GABRG3: variants seen among roughly 807,000 people sequenced by gnomAD.
GABRG3 encodes gamma-aminobutyric acid type A receptor subunit gamma3, also known as gamma-aminobutyric acid receptor subunit gamma-3.
In GABRG3, 25 loss-of-function variants were observed where a neutral mutation model predicts 48.8. The observed-to-expected ratio is 0.51, with a 90% CI of 0.37 to 0.72. The LOEUF (loss-of-function observed/expected upper bound fraction) is 0.72. Among genes scored for constraint, GABRG3 ranks in the 30% least tolerant of loss-of-function variants. The probability of loss-of-function intolerance (pLI) is 0.00; values close to 1 mark genes in which losing one functional copy is unlikely to be tolerated. For missense variants in GABRG3, 394 were observed against 577.9 expected (o/e 0.68, Z 3.26); for synonymous variants, 227 against 217.6 (o/e 1.04, Z -0.38).
intron 3 of GABRG3, among the ~76,000 whole-genome samples, chr15:27,133,114 G>T (rs1000771739): frequency 1.4e-4 from 21 of 151,760 alleles, no homozygotes; most frequent in Admixed American, 1.2e-3. Flanking sequence ...GATTTTTTAA[G>T]TTTTTTTCTG....
chr15:27,429,290 C>T (rs1888379770), intron 5 of GABRG3, among the ~76,000 whole-genome samples: 1 of 152,076 alleles, frequency 6.6e-6, no homozygotes, highest in African/African-American at 2.4e-5. Flanking sequence ...TACATGAAGA[C>T]AATATATTCA....
intron 5 of GABRG3, among the ~76,000 whole-genome samples, chr15:27,405,616 A>G (rs913031953): frequency 1.6e-4 from 24 of 152,202 alleles, no homozygotes; most frequent in Non-Finnish European, 5.9e-5. Flanking sequence ...GTTCATTGCA[A>G]TACATCTTGT....
chr15:27,507,268 C>G (rs904842584), intron 6 of GABRG3, among the ~76,000 whole-genome samples: 1 of 152,078 alleles, frequency 6.6e-6, no homozygotes, highest in Non-Finnish European at 1.5e-5. Flanking sequence ...ATTTTTCAGG[C>G]TGAGGCAGGT....
At chr15:27,013,308 C>T (rs1367427704) in intron 2 of GABRG3, among the ~76,000 whole-genome samples, 1 of 152,014 alleles carries the variant, frequency 6.6e-6, no homozygotes, top group Non-Finnish European at 1.5e-5. Flanking sequence ...TTTTCATTCA[C>T]CTGTTGATTG....
intron 3 of GABRG3, among the ~76,000 whole-genome samples, chr15:27,306,541 T>C (rs907422113): frequency 7.5e-6 from 1 of 133,212 alleles, no homozygotes; most frequent in Non-Finnish European, 1.5e-5. Context: ...CATAAACATA[T>C]AATATAAACA....
intron 3 of GABRG3, among the ~76,000 whole-genome samples, chr15:27,117,381 G>C (rs759534504): frequency 6.6e-6 from 1 of 152,084 alleles, no homozygotes; most frequent in Non-Finnish European, 1.5e-5. Flanking sequence ...GCAGATACTA[G>C]CAGACCACAG....
intron 5 of GABRG3, among the ~76,000 whole-genome samples, chr15:27,335,042 C>CT: frequency 6.6e-6 from 1 of 152,266 alleles, no homozygotes; most frequent in Non-Finnish European, 1.5e-5. Context: ...AATTTCATTT[C>CT]TTTTTATGAC....
chr15:27,531,290 A>C (rs1243261148), intron 9 of GABRG3, among the ~76,000 whole-genome samples: 1 of 152,240 alleles, frequency 6.6e-6, no homozygotes, highest in African/African-American at 2.4e-5. Flanking sequence ...AAAGGCTGCA[A>C]GTCCTGAATC....
At chr15:27,217,634 G>T (rs1889304920) in intron 3 of GABRG3, among the ~76,000 whole-genome samples, 2 of 152,194 alleles carry the variant, frequency 1.3e-5, no homozygotes, top group African/African-American at 4.8e-5. Context: ...CTTACTCCAT[G>T]TAGTGCTTTG....
At chr15:27,271,435 G>A (rs1891084136) in intron 3 of GABRG3, 2 of 398,430 alleles carry the variant, frequency 5.0e-6, no homozygotes, top group South Asian at 1.8e-5. Context: ...GCCAGGTGCT[G>A]CAGATGAATG....
intron 3 of GABRG3, among the ~76,000 whole-genome samples, chr15:27,305,679 T>G (rs1892392239): frequency 9.9e-6 from 1 of 101,310 alleles, no homozygotes. Flanking sequence ...ACCTATATGT[T>G]TATATATAAA....
At chr15:27,107,484 G>C (rs1328960964) in intron 3 of GABRG3, among the ~76,000 whole-genome samples, 1 of 151,860 alleles carries the variant, frequency 6.6e-6, no homozygotes, top group Admixed American at 6.6e-5. Flanking sequence ...GAAAAACGTG[G>C]ATCTCTAGTT....
At chr15:27,176,914 T>C (rs1887763905) in intron 3 of GABRG3, among the ~76,000 whole-genome samples, 1 of 152,126 alleles carries the variant, frequency 6.6e-6, no homozygotes, top group Non-Finnish European at 1.5e-5. Flanking sequence ...ACTCACTGTC[T>C]AACCACCCGA....
Position 27,457,113 on chromosome 15 carries a change from C to T in GABRG3, c.575-23537C>T, listed in dbSNP as rs562853545. 2.6e-4 allele frequency among the ~76,000 whole-genome samples: 40 copies of T among 152,282 alleles called. No individual in the cohort carries two copies. Among genetic ancestry groups the T allele is most frequent in the African/African-American group, 8.9e-4 (37 of 41,558 alleles). ...CTTCTCCAGCAGCTTGACACCAACACGGTGGGTGTGAGTGGAGGGTGGGGA... is the reference window on the plus strand; with the variant it reads ...CTTCTCCAGCAGCTTGACACCAACATGGTGGGTGTGAGTGGAGGGTGGGGA... On this transcript the variant is annotated intron_variant, in intron 5 of 9. Coordinates refer to ENST00000615808, the MANE Select transcript of GABRG3 (RefSeq NM_033223.5). The surrounding 1 kb of genome is among the most constrained non-coding windows in gnomAD (Gnocchi z 4.4).
rs915094917 is a variant in GABRG3 at position 27,533,104 on chromosome 15, A to G, written c.*223A>G. 3.0e-5 allele frequency: 15 copies of G among 501,614 alleles called. No homozygotes were observed. The highest frequency in any genetic ancestry group is 4.6e-5 in the Non-Finnish European group (13 of 282,624). 31.1% of individuals were successfully genotyped at this position (501,614 alleles called of 1,614,324 possible). A position where few individuals can be genotyped will look rare whatever the true frequency, so the allele number is the denominator to read the frequency against. ...CACACAGCTAATTGAGTTTTAAAGT[A>G]ATATTCTTGCTAATCCCTACTGAAT... On this transcript the variant is annotated 3_prime_UTR_variant, in exon 10 of 10. Transcript: ENST00000615808.
At chr15:27,490,159 A>G (rs531925999) in intron 6 of GABRG3, among the ~76,000 whole-genome samples, 1 of 152,362 alleles carries the variant, frequency 6.6e-6, no homozygotes, top group South Asian at 2.1e-4. Flanking sequence ...TATGGATACA[A>G]ATAAATGAAC....
Position 27,529,451 on chromosome 15 carries a change from C to T in GABRG3, c.1122+1459C>T, listed in dbSNP as rs557394535. On this transcript the variant is annotated intron_variant, in intron 9 of 9. Coordinates refer to ENST00000615808, the MANE Select transcript of GABRG3 (RefSeq NM_033223.5). ...ACTAATTAAATCGAATGTTTCAAGC[C>T]CCCCCATAAGCCGCAGGTGGTTTCC... Among the ~76,000 whole-genome samples the T allele has an allele frequency of 1.0e-4, 4 of 38,594 alleles. No individual in the cohort carries two copies. The South Asian group carries it at 4.1e-3, about 39-fold the overall frequency. 25.3% of individuals were successfully genotyped at this position (38,594 alleles called of 152,430 possible). A position where few individuals can be genotyped will look rare whatever the true frequency, so the allele number is the denominator to read the frequency against.
chr15:27,251,939 A>G (rs1890469661), intron 3 of GABRG3, among the ~76,000 whole-genome samples: 1 of 152,174 alleles, frequency 6.6e-6, no homozygotes, highest in Non-Finnish European at 1.5e-5. Flanking sequence ...ATAGCTGTGC[A>G]GTAAGAGCCC....
intron 3 of GABRG3, among the ~76,000 whole-genome samples, chr15:27,144,680 T>C (rs1332052952): frequency 6.6e-6 from 1 of 152,232 alleles, no homozygotes; most frequent in African/African-American, 2.4e-5. Flanking sequence ...TGCAGGGCTT[T>C]GGGCATGCCC....
Sources: gnomAD v4.1 joint callset for allele counts (sites outside exome capture counted in the v4.1 genomes callset) on GRCh38, gnomAD v4.1.1 for gene constraint, Gnocchi (gnomAD v3.1) non-coding constraint, MANE v1.5 for transcripts, NCBI Gene and HGNC (gene_info 2026-07-23, HGNC 2026-07-21) for gene names.